Variants in TTLL7 observed in about 807,000 individuals in gnomAD.
TTLL7 encodes the protein tubulin polyglutamylase TTLL7.
A neutral mutation model predicts 120.2 loss-of-function variants in TTLL7; 53 were observed. That is an observed-to-expected ratio of 0.44 (90% confidence interval 0.35 to 0.55). TTLL7 has a LOEUF of 0.55. TTLL7 is among the 20% of genes least tolerant of loss of function. The pLI is 0.00. For synonymous variants in TTLL7, 353 were observed against 351.7 expected (o/e 1.00, Z -0.04); for missense variants, 803 against 1,054.7 (o/e 0.76, Z 3.31).
At chr1:83,955,531 T>C (rs1649431181) in intron 1 of TTLL7, among the ~76,000 whole-genome samples, 1 of 152,122 alleles carries the variant, frequency 6.6e-6, no homozygotes, top group South Asian at 2.1e-4. Context: ...CTTCAGAAGG[T>C]GCAGCAACAA....
chr1:83,962,666 A>C (rs1650112517), intron 1 of TTLL7, among the ~76,000 whole-genome samples: 2 of 152,152 alleles, frequency 1.3e-5, no homozygotes, highest in Non-Finnish European at 2.9e-5. Context: ...TTACAGGTAT[A>C]CGTGGCCTGG....
intron 10 of TTLL7, among the ~76,000 whole-genome samples, chr1:83,922,203 GAAAC>G (rs550673160): frequency 1.1e-4 from 17 of 152,076 alleles, no homozygotes; most frequent in Non-Finnish European, 1.8e-4. Flanking sequence ...ACCTTTAGAA[GAAAC>G]AAACAAACAA....
chr1:83,962,266 T>C (rs962405913), intron 1 of TTLL7, among the ~76,000 whole-genome samples: 2 of 152,126 alleles, frequency 1.3e-5, no homozygotes, highest in African/African-American at 4.8e-5. Context: ...TTATGTTCCA[T>C]ATCTTGGTAA....
chr1:83,951,775 T>C (rs977150637), intron 3 of TTLL7, 70 bp downstream of exon 3: 2 of 1,499,156 alleles, frequency 1.3e-6, no homozygotes, highest in Non-Finnish European at 1.8e-6. Flanking sequence ...GATTTCTACA[T>C]TGTTTTTAAC....
intron 18 of TTLL7, among the ~76,000 whole-genome samples, chr1:83,895,654 TC>T (rs1212254862): frequency 3.9e-5 from 6 of 152,052 alleles, no homozygotes; most frequent in Non-Finnish European, 7.4e-5. Context: ...ACATTTTGGA[TC>T]CCCATTTTAT....
At chr1:83,902,320 A>G (rs927072938) in intron 18 of TTLL7, 14 of 151,654 alleles carry the variant, frequency 9.2e-5, no homozygotes, top group African/African-American at 3.4e-4. Context: ...TCCCCTCTAT[A>G]GCAAAATTCC....
chr1:83,921,544 C>T (rs1175948235), intron 10 of TTLL7, 150 bp from the exon 11 acceptor site: 1 of 808,990 alleles, frequency 1.2e-6, no homozygotes, highest in Non-Finnish European at 1.9e-6. Context: ...ATTCATCTAA[C>T]CATACCTCAA....
chr1:83,894,790 G>C (rs977147771), intron 18 of TTLL7, among the ~76,000 whole-genome samples: 1 of 152,052 alleles, frequency 6.6e-6, no homozygotes, highest in Admixed American at 6.6e-5. Context: ...GGGCAAACTA[G>C]GCACATTCTC....
intron 14 of TTLL7, chr1:83,912,912 T>G (rs1426631379): frequency 1.3e-5 from 2 of 152,170 alleles, no homozygotes; most frequent in Admixed American, 1.3e-4. Context: ...GGAAGGTTGT[T>G]TCCTCAGAAG....
chr1:83,889,813 G>A, intron 19 of TTLL7: 1 of 420,546 alleles, frequency 2.4e-6, no homozygotes, highest in East Asian at 7.1e-5. Context: ...ACTGAATAAA[G>A]ACAGTGAGGG....
At chr1:83,879,365 A>T (rs961007855) in intron 20 of TTLL7, among the ~76,000 whole-genome samples, 1 of 152,016 alleles carries the variant, frequency 6.6e-6, no homozygotes. Context: ...GCCTCTTACC[A>T]GAACCAAATT....
chr1:83,906,547 A>C, intron 16 of TTLL7, 84 bp from the exon 17 acceptor site: 1 of 1,582,830 alleles, frequency 6.3e-7, no homozygotes, highest in Non-Finnish European at 8.6e-7. Flanking sequence ...CTAGGTAAAA[A>C]TGATGCACTT....
chr1:83,998,003 G>A (rs1340207221), intron 1 of TTLL7, among the ~76,000 whole-genome samples: 1 of 152,210 alleles, frequency 6.6e-6, no homozygotes, highest in Non-Finnish European at 1.5e-5. Flanking sequence ...TCCTTATGCA[G>A]AAAGTTTACA....
chr1:83,871,312 C>A (rs753517440), intron 20 of TTLL7, among the ~76,000 whole-genome samples: 1 of 152,094 alleles, frequency 6.6e-6, no homozygotes, highest in Non-Finnish European at 1.5e-5. Flanking sequence ...AGATTGTGCA[C>A]CTGTAGAATC....
chr1:83,945,747 T>A (rs76868609), intron 6 of TTLL7, among the ~76,000 whole-genome samples: 6,332 of 151,842 alleles, frequency 0.042, 156 homozygotes, highest in Middle Eastern at 0.1. Context: ...CAAATATAAG[T>A]ATATAAATAT....
chr1:83,972,864 T>C (rs1651118308), intron 1 of TTLL7, among the ~76,000 whole-genome samples: 2 of 152,120 alleles, frequency 1.3e-5, no homozygotes, highest in Non-Finnish European at 2.9e-5. Context: ...GCCATCTCTA[T>C]ATATCTTCTT....
chr1:83,924,891 G>A (rs746395914), intron 10 of TTLL7, among the ~76,000 whole-genome samples: 9 of 152,108 alleles, frequency 5.9e-5, no homozygotes, highest in Non-Finnish European at 1.3e-4. Flanking sequence ...AAAAGAACAA[G>A]AAATGATGAG....
intron 14 of TTLL7, among the ~76,000 whole-genome samples, chr1:83,914,541 A>T (rs1571167473): frequency 6.6e-6 from 1 of 152,042 alleles, no homozygotes; most frequent in Non-Finnish European, 1.5e-5. Flanking sequence ...CATGTTGGCC[A>T]GGATTGTCTC....
rs1354405633 is a variant in TTLL7, at chr1:83,907,575, G to C, written c.1873C>G (p.Gln625Glu). The change falls in exon 16 of 21, where the codon CAA (glutamine) becomes GAA (glutamate). Residue 625 changes from glutamine to glutamate, a missense_variant. By Grantham distance (29) the Gln-to-Glu change is conservative. This residue lies in a region of TTLL7 where 388 missense variants were observed against 450.4 expected (regional missense o/e 0.86). Transcript: ENST00000260505. The stretch of plus-strand genomic sequence containing the variant: ...GTTGGCCGTGACACAGATATCATTT[G>C]TTGAGCAGAAAATGGGCGGGTGTCC... ...SGDTRPFSAQ[Q>E]MISVSRPTSA... The C allele has an allele frequency of 6.2e-7, 1 of 1,613,410 alleles. No homozygotes were observed.
Sources: allele counts gnomAD v4.1 joint callset (sites outside exome capture counted in the v4.1 genomes callset), GRCh38; gene constraint gnomAD v4.1.1; regional missense constraint gnomAD v4.1.1; transcripts MANE v1.5; gene names NCBI Gene and HGNC (gene_info 2026-07-23, HGNC 2026-07-21).